CDH2: variants seen among roughly 807,000 people sequenced by gnomAD.
CDH2 encodes cadherin 2, also known as cadherin-2.
In CDH2, 17 loss-of-function variants were observed where a neutral mutation model predicts 92.0. The observed-to-expected ratio is 0.18, with a 90% CI of 0.13 to 0.28. CDH2 has a LOEUF of 0.28. CDH2 is among the 10% of genes least tolerant of loss of function. The pLI is 1.00. For missense variants in CDH2, 862 were observed against 1,133.1 expected (o/e 0.76, Z 3.44); for synonymous variants, 419 against 415.9 (o/e 1.01, Z -0.09).
chr18:27,968,315 G>T (rs1022493082), intron 14 of CDH2, among the ~76,000 whole-genome samples: 4 of 152,148 alleles, frequency 2.6e-5, no homozygotes, highest in African/African-American at 9.7e-5. Context: ...ACCAGGGCAA[G>T]CAAAATAAAT....
intron 2 of CDH2, among the ~76,000 whole-genome samples, chr18:28,124,837 T>C (rs370731963): frequency 3.9e-5 from 6 of 152,218 alleles, no homozygotes; most frequent in East Asian, 1.9e-4. Flanking sequence ...CTTCAGCAAG[T>C]TGCTATGCCT....
chr18:28,057,232 A>G (rs1025994929), intron 2 of CDH2, among the ~76,000 whole-genome samples: 7 of 152,230 alleles, frequency 4.6e-5, no homozygotes, highest in African/African-American at 1.7e-4. Context: ...AAATCTAATG[A>G]AGAAACTGAT....
chr18:28,176,158 G>A (rs958479698), intron 1 of CDH2, among the ~76,000 whole-genome samples: 1 of 152,334 alleles, frequency 6.6e-6, no homozygotes, highest in Admixed American at 6.5e-5. Context: ...TCTCTCCCGA[G>A]GGTATGAAAA....
rs2012110258 is a variant in CDH2 at position 27,983,055 on chromosome 18, C to T, written c.2238G>A (p.Met746Ile). Residue 746 changes from methionine (M) to isoleucine (I), a missense_variant, in exon 14 of 16, where the codon ATG (methionine) becomes ATA (isoleucine). By Grantham distance (10) the Met-to-Ile change is conservative. Around this residue, in one of 5 missense-constraint regions of CDH2, gnomAD observed 564 missense variants for 722.2 expected, o/e 0.78. Coordinates refer to ENST00000269141, the MANE Select transcript of CDH2 (RefSeq NM_001792.5). ...CCTGGCGTTCTTTATCCCGGCGTTT[C>T]ATCCATACCACAAACATCAGCACAA... ...LILVLMFVVW[M>I]KRRDKERQAK... The T allele has an allele frequency of 5.6e-6, 9 of 1,612,940 alleles. No homozygotes were observed. Among genetic ancestry groups the T allele is most frequent in the Non-Finnish European group, 7.6e-6 (9 of 1,179,238 alleles).
intron 1 of CDH2, among the ~76,000 whole-genome samples, chr18:28,174,617 T>C (rs1000276243): frequency 6.6e-6 from 1 of 152,244 alleles, no homozygotes; most frequent in Admixed American, 6.5e-5. Flanking sequence ...AAGCACATTA[T>C]TTAATGCTTA....
intron 2 of CDH2, among the ~76,000 whole-genome samples, chr18:28,123,062 T>A (rs1409318140): frequency 6.6e-6 from 1 of 152,104 alleles, no homozygotes; most frequent in African/African-American, 2.4e-5. Flanking sequence ...GAGATCAATT[T>A]TCAGGCCTCA....
intron 2 of CDH2, among the ~76,000 whole-genome samples, chr18:28,047,871 A>AC (rs370561775): frequency 3.4e-5 from 5 of 148,720 alleles, no homozygotes; most frequent in African/African-American, 1.2e-4. Flanking sequence ...TCCATCTCAA[A>AC]AAAAAAAAAA....
intron 2 of CDH2, among the ~76,000 whole-genome samples, chr18:28,139,819 A>C (rs1330168271): frequency 6.6e-6 from 1 of 151,934 alleles, no homozygotes; most frequent in Admixed American, 6.6e-5. Flanking sequence ...TCAGCTCCAC[A>C]GTGATTTTAT....
rs35636455 is a variant in CDH2 at position 27,971,235 on chromosome 18, C to CA, written c.2350-7715dup. ...TGGGCAACAGAGCGAGACTCCATCT[C>CA]AAAAAAAAAAAGGTAGCTGGTGGAT... On this transcript the variant is annotated intron_variant, in intron 14 of 15. Coordinates refer to ENST00000269141, the MANE Select transcript of CDH2 (RefSeq NM_001792.5). Among the ~76,000 whole-genome samples, 804 of 137,790 alleles carry CA rather than the reference C, an allele frequency of 5.8e-3. 26 individuals are homozygous for CA. Among genetic ancestry groups the CA allele is most frequent in the Admixed American group, 0.05 (682 of 13,530 alleles). The allele number at this position is 137,790 out of a possible 152,430, so 90.4% of individuals were successfully genotyped here.
intron 2 of CDH2, among the ~76,000 whole-genome samples, chr18:28,103,197 TTATA>T (rs894555706): frequency 6.9e-6 from 1 of 144,590 alleles, no homozygotes; most frequent in Admixed American, 7.0e-5. Context: ...AAAAACTCCT[TTATA>T]TATATATAAA....
At chr18:28,052,364 T>G (rs2014208925) in intron 2 of CDH2, among the ~76,000 whole-genome samples, 2 of 152,202 alleles carry the variant, frequency 1.3e-5, no homozygotes, top group Non-Finnish European at 2.9e-5. Context: ...TAGTTTATAT[T>G]TAAGCCGTAG....
At chr18:27,937,285 G>A (rs924345722) in intron 6 of CDH2, among the ~76,000 whole-genome samples, 4 of 152,132 alleles carry the variant, frequency 2.6e-5, no homozygotes, top group South Asian at 2.1e-4. Flanking sequence ...AAAATGTAGC[G>A]GTTCAAAATC....
intron 2 of CDH2, among the ~76,000 whole-genome samples, chr18:28,047,124 CACAA>C (rs765776969): frequency 7.9e-5 from 12 of 152,078 alleles, no homozygotes. Flanking sequence ...CCAGGCAGTT[CACAA>C]ACAAATTACC....
chr18:28,050,310 T>C (rs2014165238), intron 2 of CDH2, among the ~76,000 whole-genome samples: 1 of 152,238 alleles, frequency 6.6e-6, no homozygotes, highest in Admixed American at 6.5e-5. Context: ...GCTGATAGCA[T>C]ATAGTTATAA....
intron 14 of CDH2, among the ~76,000 whole-genome samples, chr18:27,977,353 GTTGT>G (rs1378777985): frequency 1.3e-5 from 2 of 152,084 alleles, no homozygotes; most frequent in African/African-American, 2.4e-5. Flanking sequence ...TATCGGAGTA[GTTGT>G]TTCTTTTTTT....
chr18:28,104,692 A>ATATCTATCTATCTATCTATCTATC (rs5823586), intron 2 of CDH2, among the ~76,000 whole-genome samples: 4 of 148,460 alleles, frequency 2.7e-5, no homozygotes, highest in South Asian at 2.2e-4. Flanking sequence ...ATGCAAATAC[A>ATATCTATCTATCTATCTATCTATC]TATCTATCTA....
chr18:28,155,693 G>A (rs1391063166), intron 1 of CDH2, among the ~76,000 whole-genome samples: 1 of 152,148 alleles, frequency 6.6e-6, no homozygotes, highest in Non-Finnish European at 1.5e-5. Flanking sequence ...TGTTAACGTC[G>A]TTAGTTGAGT....
At chr18:28,077,584 T>C (rs904032350) in intron 2 of CDH2, among the ~76,000 whole-genome samples, 3 of 152,016 alleles carry the variant, frequency 2.0e-5, no homozygotes, top group Non-Finnish European at 2.9e-5. Context: ...ACGTATCCTA[T>C]TCCCAAAGAA....
chr18:28,144,041 T>C (rs1816900880), intron 2 of CDH2, among the ~76,000 whole-genome samples: 1 of 151,668 alleles, frequency 6.6e-6, no homozygotes, highest in South Asian at 2.1e-4. Flanking sequence ...ACAAATACCT[T>C]ATGCATACAG....
Sources: allele counts gnomAD v4.1 joint callset (sites outside exome capture counted in the v4.1 genomes callset), GRCh38; gene constraint gnomAD v4.1.1; regional missense constraint gnomAD v4.1.1; transcripts MANE v1.5; gene names NCBI Gene and HGNC (gene_info 2026-07-23, HGNC 2026-07-21).